Variants in SART1 observed in about 807,000 individuals in gnomAD.
SART1 encodes the protein U4/U6.U5 tri-snRNP-associated protein 1.
In SART1, 28 loss-of-function variants were observed where a neutral mutation model predicts 105.0. The ratio of observed to expected loss-of-function variants is 0.27; its 90% CI spans 0.20 to 0.37. SART1 has a LOEUF of 0.37. Ranked by LOEUF, SART1 falls within the 10% of genes least tolerant of loss-of-function variation. SART1 has a pLI of 1.00. For missense variants in SART1, 894 were observed against 1,106.5 expected (o/e 0.81, Z 2.72); for synonymous variants, 472 against 462.9 (o/e 1.02, Z -0.25).
chr11:65,967,307 GAGA>G lies in SART1; in HGVS notation c.1240_1242del (p.Lys414del). 6.2e-7 allele frequency: 1 copy of G among 1,614,130 alleles called. No individual in the cohort carries two copies. Among genetic ancestry groups the G allele is most frequent in the South Asian group, 1.1e-5 (1 of 91,070 alleles). On this transcript the variant is annotated inframe_deletion, in exon 10 of 20. Coordinates refer to ENST00000312397, the MANE Select transcript of SART1 (RefSeq NM_005146.5). Reference sequence around the variant, plus strand: ...GAGGGTGAAGAAAATCCGCAAGAAGGAGAAGGAGGTAGTAGTGCGGGCAGATGA... The same window carrying G: ...GAGGGTGAAGAAAATCCGCAAGAAGGAGGAGGTAGTAGTGCGGGCAGATGA...
At chr11:65,962,380 C>T (rs907182206) in intron 1 of SART1, among the ~76,000 whole-genome samples, 7 of 152,226 alleles carry the variant, frequency 4.6e-5, no homozygotes, top group African/African-American at 1.7e-4. Flanking sequence ...TTGACTTTCT[C>T]CACTCAGCTG....
chr11:65,977,974 G>A, intron 17 of SART1, 75 bp downstream of exon 17: 3 of 1,513,142 alleles, frequency 2.0e-6, no homozygotes, highest in Non-Finnish European at 2.7e-6. Flanking sequence ...CAATGCCCCG[G>A]GCCATGCAAT....
Position 65,961,937 on chromosome 11 carries a change from C to G in SART1, c.157C>G (p.Arg53Gly). The G allele has an allele frequency of 2.0e-6, 3 of 1,527,618 alleles. No individual in the cohort carries two copies. The highest frequency in any genetic ancestry group is 2.6e-6 in the Non-Finnish European group (3 of 1,137,332). The allele number at this position is 1,527,618 out of a possible 1,614,324, so 94.6% of individuals were successfully genotyped here. The change falls in exon 1 of 20, where the codon CGG becomes GGG. Residue 53 changes from arginine to glycine, a missense_variant. Transcript: ENST00000312397. ...CAGTGGCGGTAGCGGTGGCGAACGACGGAAGCGGAGCCGGGAACGTGGGGG... is the reference window on the plus strand; with the variant it reads ...CAGTGGCGGTAGCGGTGGCGAACGAGGGAAGCGGAGCCGGGAACGTGGGGG... ...GGSGGSGGERRKRSRERGGER... is the reference protein window; with the variant it reads ...GGSGGSGGERGKRSRERGGER...
At chr11:65,964,702 A>G (rs920196404) in intron 3 of SART1, 132 bp downstream of exon 3, 4 of 888,904 alleles carry the variant, frequency 4.5e-6, no homozygotes, top group Non-Finnish European at 6.7e-6. Context: ...GGAAGGCATG[A>G]GGTCCCTCCT....
At chr11:65,967,162 G>C in intron 9 of SART1, 97 bp from the exon 10 acceptor site, 1 of 1,535,286 alleles carries the variant, frequency 6.5e-7, no homozygotes, top group Non-Finnish European at 8.8e-7. Context: ...ACGCTGGCTA[G>C]CACAGAGGAA....
At position 65,964,566 on chromosome 11, in the gene SART1, G is replaced by A; in HGVS notation, c.423G>A (p.Lys141=). Residue 141 remains lysine (K), a synonymous_variant, in exon 3 of 20, where the codon AAG becomes AAA. Transcript: ENST00000312397. ...AACCCTTGGAGGTTAATGCCATCAA[G>A]AAGGGTGAGTATGGGGCTGAGGATA... ...GLKPLEVNAI[K]KEAGTKEEPV... 1 of 1,610,504 alleles carries A rather than the reference G, an allele frequency of 6.2e-7. No homozygotes were observed. Among genetic ancestry groups the A allele is most frequent in the Non-Finnish European group, 8.5e-7 (1 of 1,179,068 alleles).
At chr11:65,977,706 T>C in intron 16 of SART1, 53 bp downstream of exon 16, 1 of 1,613,756 alleles carries the variant, frequency 6.2e-7, no homozygotes, top group South Asian at 1.1e-5. Flanking sequence ...AGCTTGGAGC[T>C]TCGGGACCAC....
Position 65,971,946 on chromosome 11 carries a change from T to C in SART1, c.1572+4125T>C, listed in dbSNP as rs1460949464. On this transcript the variant is annotated intron_variant, in intron 12 of 19. Coordinates refer to ENST00000312397, the MANE Select transcript of SART1 (RefSeq NM_005146.5). ...ATTGAGGGGTTGTTTTGTTTTGTGA[T>C]AGTGTCTCACTTTGTCACCCAGGCT... Among the ~76,000 whole-genome samples, 10 of 152,018 alleles carry C rather than the reference T, an allele frequency of 6.6e-5. 1 individual carries two copies. Among genetic ancestry groups the C allele is most frequent in the Admixed American group, 5.9e-4 (9 of 15,254 alleles).
rs370669502 is a variant in SART1 at position 65,977,083 on chromosome 11, C to A, written c.1927C>A (p.Leu643Ile). The change falls in exon 15 of 20, where the codon CTC becomes ATC. Residue 643 changes from leucine (L) to isoleucine (I), a missense_variant. This residue lies in a region of SART1 where 182 missense variants were observed against 328.3 expected (regional missense o/e 0.55). Transcript: ENST00000312397. The stretch of plus-strand genomic sequence containing the variant: ...GAATAGGGGGCTGGCAGCTGCCCTG[C>A]TCCTGTGTCAGAACAAAGGTAGGGA... Reference protein sequence around the residue: ...IVNRGLAAALLLCQNKGLLET... With the variant: ...IVNRGLAAALILCQNKGLLET... The A allele has an allele frequency of 6.2e-7, 1 of 1,613,358 alleles. No individual in the cohort carries two copies. Among genetic ancestry groups the A allele is most frequent in the Non-Finnish European group, 8.5e-7 (1 of 1,179,588 alleles).
intron 9 of SART1, 147 bp downstream of exon 9, chr11:65,966,703 G>C: frequency 3.3e-6 from 3 of 922,310 alleles, no homozygotes; most frequent in Non-Finnish European, 4.7e-6. Flanking sequence ...TGGCAACCGG[G>C]GGAGGCACCA....
At chr11:65,966,953 T>C (rs1855272529) in intron 9 of SART1, among the ~76,000 whole-genome samples, 1 of 151,998 alleles carries the variant, frequency 6.6e-6, no homozygotes, top group African/African-American at 2.4e-5. Context: ...GAACGTGAGG[T>C]AGACAGCTGG....
intron 12 of SART1, among the ~76,000 whole-genome samples, chr11:65,969,058 A>G (rs1254379058): frequency 6.6e-6 from 1 of 152,186 alleles, no homozygotes; most frequent in Non-Finnish European, 1.5e-5. Flanking sequence ...ACTGGGAGGC[A>G]AAGTGGGGAC....
chr11:65,977,938 A>T, intron 17 of SART1, 39 bp downstream of exon 17: 1 of 1,592,174 alleles, frequency 6.3e-7, no homozygotes. Flanking sequence ...CCGGCCTGCC[A>T]CAGGGAGGCC....
At position 65,965,356 on chromosome 11, in the gene SART1, T is replaced by G. The variant is rs1164857100; in HGVS notation, c.569T>G (p.Leu190Arg). Residue 190 changes from leucine (L) to arginine (R), a missense_variant, in exon 5 of 20, where the codon CTA (leucine) becomes CGA (arginine). Coordinates refer to ENST00000312397, the MANE Select transcript of SART1 (RefSeq NM_005146.5). ...CCCCTCTTCAGGAAGATAAAGACCC[T>G]AGGAGAGGATGACCCCTGGCTGGAC... The part of the protein sequence containing the change: ...LNQKLGKIKT[L>R]GEDDPWLDDT... The G allele has an allele frequency of 3.1e-6, 5 of 1,591,074 alleles. No individual in the cohort carries two copies. Among genetic ancestry groups the G allele is most frequent in the African/African-American group, 1.3e-5 (1 of 74,266 alleles).
rs949680604 is a variant in SART1, at chr11:65,978,719, T to C, written c.2262+30T>C. ...GTGCCCTTGGGGATGTGGGGGGCCCTGTGCCTGCCGGGGCAGGGGTGGCTG... is the reference window on the plus strand; with the variant it reads ...GTGCCCTTGGGGATGTGGGGGGCCCCGTGCCTGCCGGGGCAGGGGTGGCTG... On this transcript the variant is annotated intron_variant, in intron 18 of 19. Coordinates refer to ENST00000312397, the MANE Select transcript of SART1 (RefSeq NM_005146.5). This position sits in a 1 kb window ranked among gnomAD's most constrained non-coding sequence, Gnocchi z 6.8. The C allele has an allele frequency of 1.2e-6, 2 of 1,613,424 alleles. No homozygotes were observed. The highest frequency in any genetic ancestry group is 2.7e-5 in the African/African-American group (2 of 74,908).
Position 65,976,719 on chromosome 11 carries a change from A to G in SART1, c.1810A>G (p.Ile604Val), listed in dbSNP as rs777064291. The G allele has an allele frequency of 1.9e-5, 31 of 1,613,274 alleles. No homozygotes were observed. Among genetic ancestry groups the G allele is most frequent in the Non-Finnish European group, 2.5e-5 (29 of 1,179,834 alleles). Residue 604 changes from isoleucine (I) to valine (V), a missense_variant, in exon 14 of 20, where the codon ATC becomes GTC. Physicochemically the swap from Ile to Val is conservative, Grantham distance 29 (BLOSUM62 3). Transcript: ENST00000312397. The surrounding 1 kb of genome is among the most constrained non-coding windows in gnomAD (Gnocchi z 5.1). ...GGSESDGEEN[I>V]GWSTVNLDEE... ...CTCCGAATCTGACGGGGAGGAGAAC[A>G]TCGGCTGGAGCACGGTGAACCTGGA...
Position 65,965,511 on chromosome 11 carries a change from G to C in SART1, c.660+64G>C, listed in dbSNP as rs568379848. 3 of 1,482,062 alleles carry C rather than the reference G, an allele frequency of 2.0e-6. No individual in the cohort carries two copies. In the African/African-American group the frequency reaches 4.2e-5, roughly 21 times the overall value. The allele number at this position is 1,482,062 out of a possible 1,614,324, so 91.8% of individuals were successfully genotyped here. ...TCTGGTGGCCTGACGGCACTGAGGC[G>C]GGGGCCAACCCCAGAGAGGTGAGAC... On this transcript the variant is annotated intron_variant, in intron 5 of 19. Transcript: ENST00000312397.
intron 1 of SART1, among the ~76,000 whole-genome samples, chr11:65,962,974 C>G (rs892017668): frequency 2.0e-5 from 3 of 150,346 alleles, no homozygotes; most frequent in Non-Finnish European, 4.4e-5. Context: ...GGAAGAGAAG[C>G]AGATTTGGAG....
intron 1 of SART1, 125 bp from the exon 2 acceptor site, chr11:65,963,949 T>G (rs1039025816): frequency 2.7e-6 from 2 of 740,952 alleles, no homozygotes; most frequent in Admixed American, 4.6e-5. Flanking sequence ...GCTGCTGTTT[T>G]CTGGTGTTTC....
Sources: gnomAD v4.1 joint callset for allele counts (sites outside exome capture counted in the v4.1 genomes callset) on GRCh38, gnomAD v4.1.1 for gene constraint, gnomAD v4.1.1 regional missense constraint, Gnocchi (gnomAD v3.1) non-coding constraint, MANE v1.5 for transcripts, NCBI Gene and HGNC (gene_info 2026-07-23, HGNC 2026-07-21) for gene names.